The following TESK2 variants were observed in gnomAD, a reference collection of about 807,000 sequenced individuals.
The protein encoded by TESK2 is dual specificity testis-specific protein kinase 2.
A neutral mutation model predicts 57.1 loss-of-function variants in TESK2; 39 were observed. The ratio of observed to expected loss-of-function variants is 0.68; its 90% confidence interval spans 0.53 to 0.89. TESK2 has a LOEUF of 0.89. Among genes scored for constraint, TESK2 ranks in the 40% least tolerant of loss-of-function variants. The pLI is 0.00. For missense variants in TESK2, 646 were observed against 732.1 expected, an observed-to-expected ratio of 0.88 and a Z score of 1.36; for synonymous variants, 249 against 267.9, an observed-to-expected ratio of 0.93 and a Z score of 0.69.
intron 2 of TESK2, among the ~76,000 whole-genome samples, chr1:45,451,442 C>T (rs1168153537): frequency 6.6e-6 from 1 of 152,156 alleles, no homozygotes; most frequent in Non-Finnish European, 1.5e-5. Context: ...AAAAGTGTGG[C>T]TGAGCCATAT....
At chr1:45,398,496 G>A (rs528762898) in intron 3 of TESK2, among the ~76,000 whole-genome samples, 11 of 152,092 alleles carry the variant, frequency 7.2e-5, no homozygotes, top group African/African-American at 2.2e-4. Flanking sequence ...GCAGTGAGCC[G>A]AGATTGAGCC....
chr1:45,470,850 T>C (rs910368950), intron 1 of TESK2, among the ~76,000 whole-genome samples: 3 of 152,124 alleles, frequency 2.0e-5, no homozygotes, highest in Admixed American at 6.6e-5. Context: ...TCCATAACAG[T>C]CCTATAAAAT....
intron 1 of TESK2, among the ~76,000 whole-genome samples, chr1:45,484,367 CCAAA>C (rs1270293965): frequency 2.1e-4 from 32 of 152,082 alleles, no homozygotes; most frequent in Admixed American, 9.8e-4. Context: ...CCTCTGCCGC[CCAAA>C]GTGCTGGAGT....
intron 3 of TESK2, among the ~76,000 whole-genome samples, chr1:45,399,671 A>G (rs1434503856): frequency 1.3e-5 from 2 of 151,954 alleles, no homozygotes; most frequent in Non-Finnish European, 2.9e-5. Flanking sequence ...GCTGGTCTTG[A>G]ACTCCTGTGC....
At chr1:45,355,081 C>T (rs779129318) in intron 5 of TESK2, among the ~76,000 whole-genome samples, 3 of 151,702 alleles carry the variant, frequency 2.0e-5, no homozygotes, top group Non-Finnish European at 2.9e-5. Flanking sequence ...GAGACTGAGG[C>T]ACGAGAGTCG....
chr1:45,488,785 T>A (rs1653587961), intron 1 of TESK2, among the ~76,000 whole-genome samples: 2 of 152,190 alleles, frequency 1.3e-5, no homozygotes, highest in Admixed American at 1.3e-4. Context: ...CCTCAATCCA[T>A]CATGATCTCA....
intron 2 of TESK2, 116 bp from the exon 3 acceptor site, chr1:45,421,962 A>G (rs1650497419): frequency 6.2e-6 from 6 of 966,552 alleles, no homozygotes; most frequent in Non-Finnish European, 9.3e-6. Flanking sequence ...GATAAAATAT[A>G]CATCTAATTA....
chr1:45,436,705 C>T (rs1294909338), intron 2 of TESK2, among the ~76,000 whole-genome samples: 1 of 151,662 alleles, frequency 6.6e-6, no homozygotes, highest in Non-Finnish European at 1.5e-5. Context: ...GCAGGCTGGT[C>T]TCGAACTCCT....
At chr1:45,395,663 G>C (rs1649328153) in intron 3 of TESK2, among the ~76,000 whole-genome samples, 1 of 149,162 alleles carries the variant, frequency 6.7e-6, no homozygotes, top group Admixed American at 6.7e-5. Flanking sequence ...CTGGAGTGCA[G>C]TGTTGCAATT....
At position 45,345,278 on chromosome 1, in the gene TESK2, C is replaced by CAG; in HGVS notation, c.1276_1277dup (p.Val427TrpfsTer61). On this transcript the variant is annotated frameshift_variant, in exon 11 of 11. Transcript: ENST00000372086. LOFTEE classifies it high-confidence loss of function. The stretch of plus-strand genomic sequence containing the variant: ...GCCCTGGTGCATCCAGGTCAAATAC[C>CAG]AGAGAGATGACAGACTTGCTGGGCA... The CAG allele has an allele frequency of 1.2e-6, 2 of 1,614,172 alleles. No homozygotes were observed. The highest frequency in any genetic ancestry group is 1.7e-6 in the Non-Finnish European group (2 of 1,180,036).
chr1:45,397,154 C>G (rs1430214667), intron 3 of TESK2, among the ~76,000 whole-genome samples: 3 of 152,114 alleles, frequency 2.0e-5, no homozygotes, highest in Non-Finnish European at 4.4e-5. Flanking sequence ...ACTTACTATG[C>G]AGGCATTGTT....
chr1:45,399,144 T>A, intron 3 of TESK2, among the ~76,000 whole-genome samples: 1 of 140,992 alleles, frequency 7.1e-6, no homozygotes, highest in Middle Eastern at 3.6e-3. Flanking sequence ...GTTGAAATTT[T>A]TTTTTTTTTT....
At chr1:45,488,481 T>A (rs1653577138) in intron 1 of TESK2, among the ~76,000 whole-genome samples, 1 of 152,096 alleles carries the variant, frequency 6.6e-6, no homozygotes, top group Admixed American at 6.6e-5. Context: ...AGATGAACCT[T>A]CCCCTCACTT....
At chr1:45,462,395 C>G (rs966923026) in intron 1 of TESK2, among the ~76,000 whole-genome samples, 5 of 152,184 alleles carry the variant, frequency 3.3e-5, no homozygotes, top group South Asian at 4.2e-4. Flanking sequence ...GCCTCAGCCT[C>G]CCGAGTAGCT....
At chr1:45,472,182 G>A (rs973777729) in intron 1 of TESK2, among the ~76,000 whole-genome samples, 19 of 151,104 alleles carry the variant, frequency 1.3e-4, no homozygotes, top group African/African-American at 4.1e-4. Flanking sequence ...AACCTGGGAG[G>A]CGGAGCTTGC....
chr1:45,425,530 C>T (rs1650652228), intron 2 of TESK2, among the ~76,000 whole-genome samples: 1 of 151,958 alleles, frequency 6.6e-6, no homozygotes, highest in Non-Finnish European at 1.5e-5. Context: ...TGGTTCAAGC[C>T]TGTGGTCCCA....
intron 1 of TESK2, among the ~76,000 whole-genome samples, chr1:45,473,217 G>C (rs1652846410): frequency 6.6e-6 from 1 of 151,572 alleles, no homozygotes; most frequent in Non-Finnish European, 1.5e-5. Context: ...ATGACTCTAG[G>C]TAATACCGAG....
chr1:45,384,610 T>TA (rs1553147549), intron 4 of TESK2, among the ~76,000 whole-genome samples: 43 of 123,648 alleles, frequency 3.5e-4, no homozygotes, highest in African/African-American at 1.3e-3. Context: ...TTTTTTTTTT[T>TA]TTTTTTTTTT....
intron 4 of TESK2, among the ~76,000 whole-genome samples, chr1:45,359,897 C>T (rs982027057): frequency 1.3e-5 from 2 of 151,890 alleles, no homozygotes; most frequent in Non-Finnish European, 2.9e-5. Context: ...TATGTGAAAG[C>T]GCTTCGAAAA....
Sources: gnomAD v4.1 joint callset for allele counts (sites outside exome capture counted in the v4.1 genomes callset) on GRCh38, gnomAD v4.1.1 for gene constraint, MANE v1.5 for transcripts, NCBI Gene and HGNC (gene_info 2026-07-23, HGNC 2026-07-21) for gene names.